WWOX: variants seen among roughly 807,000 people sequenced by gnomAD.
The protein encoded by WWOX is WW domain containing oxidoreductase, also known as WW domain-containing oxidoreductase.
Under a neutral mutation model 46.2 loss-of-function variants are expected in WWOX, and 69 were observed. That is an observed-to-expected ratio of 1.49 (90% CI 1.23 to 1.82). The LOEUF is 1.82. Ranked by LOEUF, WWOX falls within the 40% of genes most tolerant of loss-of-function variation. WWOX has a pLI of 0.00. For missense variants in WWOX, 919 were observed against 542.6 expected (o/e 1.69, Z -6.89); for synonymous variants, 359 against 202.6 (o/e 1.77, Z -6.56).
At chr16:79,038,133 C>A (rs535879763) in intron 8 of WWOX, among the ~76,000 whole-genome samples, 93 of 152,216 alleles carry the variant, frequency 6.1e-4, no homozygotes, top group African/African-American at 2.2e-3. Context: ...AAGGATCTGT[C>A]CCCCCGTGAA....
chr16:79,111,809 A>G (rs575819251), intron 8 of WWOX, among the ~76,000 whole-genome samples: 5 of 152,292 alleles, frequency 3.3e-5, no homozygotes, highest in South Asian at 2.1e-4. Context: ...ACACCATCCC[A>G]TGAGCCCAGA....
In WWOX at chr16:79,205,436, T is replaced by G. The variant is rs944438055; in HGVS notation, c.1057-6172T>G. 3 of 152,208 alleles carry G rather than the reference T, an allele frequency of 2.0e-5. No individual in the cohort carries two copies. In the South Asian group the frequency reaches 6.2e-4, roughly 31 times the overall value. 9.4% of individuals were successfully genotyped at this position (152,208 alleles called of 1,614,324 possible). On this transcript the variant is annotated intron_variant, in intron 8 of 8. Coordinates refer to ENST00000566780, the MANE Select transcript of WWOX (RefSeq NM_016373.4). ...TTTTCCTTGTGGCAAAAGATCAACA[T>G]CTAAACACATTGTCCACGTCTAATT...
intron 8 of WWOX, among the ~76,000 whole-genome samples, chr16:79,020,800 C>T (rs1243221149): frequency 3.9e-5 from 6 of 152,098 alleles, no homozygotes; most frequent in South Asian, 2.1e-4. Flanking sequence ...CTCTCCATTA[C>T]GGAATCTCCC....
At chr16:78,466,562 G>C (rs1043369629) in intron 8 of WWOX, among the ~76,000 whole-genome samples, 8 of 151,948 alleles carry the variant, frequency 5.3e-5, no homozygotes, top group Non-Finnish European at 8.8e-5. Flanking sequence ...GCGTGCAGTG[G>C]CTCACACCTG....
At chr16:78,710,021 GC>G (rs2048406083) in intron 8 of WWOX, among the ~76,000 whole-genome samples, 1 of 152,042 alleles carries the variant, frequency 6.6e-6, no homozygotes, top group Non-Finnish European at 1.5e-5. Context: ...GTCAGCCACC[GC>G]CCCCGGCCGA....
intron 5 of WWOX, among the ~76,000 whole-genome samples, chr16:78,351,088 AT>A (rs1417381786): frequency 1.3e-5 from 2 of 152,140 alleles, no homozygotes; most frequent in African/African-American, 4.8e-5. Context: ...TGGATGGATG[AT>A]TTTTTTCAGC....
chr16:78,230,886 C>CT (rs1019819637), intron 5 of WWOX, among the ~76,000 whole-genome samples: 1 of 152,226 alleles, frequency 6.6e-6, no homozygotes, highest in African/African-American at 2.4e-5. Flanking sequence ...CTCCTTATCT[C>CT]TTTAGTGCAG....
intron 8 of WWOX, among the ~76,000 whole-genome samples, chr16:78,570,466 G>A (rs781677769): frequency 1.3e-5 from 2 of 152,060 alleles, no homozygotes; most frequent in Non-Finnish European, 2.9e-5. Context: ...ACACCACCAT[G>A]CCTGCCTAAT....
At chr16:78,508,848 C>G (rs2085284106) in intron 8 of WWOX, among the ~76,000 whole-genome samples, 1 of 152,212 alleles carries the variant, frequency 6.6e-6, no homozygotes, top group Non-Finnish European at 1.5e-5. Context: ...TCCTCTCTCT[C>G]CTTGGTCTCT....
intron 6 of WWOX, among the ~76,000 whole-genome samples, chr16:78,401,246 T>C (rs924977103): frequency 3.3e-5 from 5 of 151,752 alleles, no homozygotes; most frequent in African/African-American, 9.7e-5. Context: ...TTCTACATTT[T>C]CCATAATTTA....
intron 8 of WWOX, among the ~76,000 whole-genome samples, chr16:78,708,241 G>T (rs949838127): frequency 6.6e-6 from 1 of 152,140 alleles, no homozygotes; most frequent in Non-Finnish European, 1.5e-5. Flanking sequence ...TGAATTTCAG[G>T]TAAATAACAT....
rs974997087 is a variant in WWOX at position 78,963,972 on chromosome 16, C to G, written c.1057-247636C>G. 3.3e-5 allele frequency among the ~76,000 whole-genome samples: 5 copies of G among 152,110 alleles called. No individual in the cohort carries two copies. The East Asian group carries it at 7.7e-4, about 24-fold the overall frequency. ...TTTATCAGGGGTTTCTGCAGTTTTT[C>G]TCTTGCCACCACCATGTAAGAAGTG... On this transcript the variant is annotated intron_variant, in intron 8 of 8. Coordinates refer to ENST00000566780, the MANE Select transcript of WWOX (RefSeq NM_016373.4).
intron 4 of WWOX, among the ~76,000 whole-genome samples, chr16:78,137,674 T>G (rs2033846721): frequency 6.6e-6 from 1 of 152,224 alleles, no homozygotes; most frequent in Non-Finnish European, 1.5e-5. Context: ...TTTAGATTCC[T>G]GAAACAGTCT....
At chr16:78,553,579 A>G (rs2044222765) in intron 8 of WWOX, among the ~76,000 whole-genome samples, 1 of 152,156 alleles carries the variant, frequency 6.6e-6, no homozygotes, top group South Asian at 2.1e-4. Flanking sequence ...CCCTGTAAAG[A>G]AAGCCTACAA....
chr16:78,653,912 G>A (rs1352488426), intron 8 of WWOX, among the ~76,000 whole-genome samples: 1 of 152,116 alleles, frequency 6.6e-6, no homozygotes, highest in Admixed American at 6.5e-5. Context: ...CTCTAATCAC[G>A]CGAGAGGTCT....
chr16:78,889,175 G>A (rs772996572), intron 8 of WWOX, among the ~76,000 whole-genome samples: 9 of 152,136 alleles, frequency 5.9e-5, no homozygotes, highest in Admixed American at 3.3e-4. Context: ...ATAAGGATTC[G>A]TACCAGGGAT....
At chr16:78,387,071 A>G in intron 6 of WWOX, 123 bp downstream of exon 6, 1 of 932,656 alleles carries the variant, frequency 1.1e-6, no homozygotes, top group Non-Finnish European at 1.7e-6. Context: ...CAGGAGGCTC[A>G]TTTATATTGG....
At chr16:78,174,085 A>G (rs2035252720) in intron 5 of WWOX, among the ~76,000 whole-genome samples, 1 of 152,168 alleles carries the variant, frequency 6.6e-6, no homozygotes, top group South Asian at 2.1e-4. Flanking sequence ...TCACATGGGC[A>G]ATTAGGGTTT....
chr16:78,893,512 C>G (rs1255685324), intron 8 of WWOX, among the ~76,000 whole-genome samples: 1 of 152,226 alleles, frequency 6.6e-6, no homozygotes, highest in African/African-American at 2.4e-5. Context: ...GGTGAGGTCA[C>G]TGCCTAAGAC....
Sources: gnomAD v4.1 joint callset for allele counts (sites outside exome capture counted in the v4.1 genomes callset) on GRCh38, gnomAD v4.1.1 for gene constraint, MANE v1.5 for transcripts, NCBI Gene and HGNC (gene_info 2026-07-23, HGNC 2026-07-21) for gene names.